The following TEC variants were observed in gnomAD, a reference collection of about 807,000 sequenced individuals.
TEC encodes the protein tyrosine-protein kinase Tec.
TEC carries 72 observed loss-of-function variants against 93.0 expected under a neutral mutation model. The observed-to-expected ratio is 0.77, with a 90% CI of 0.64 to 0.94. The LOEUF is 0.94. TEC is among the 40% of genes least tolerant of loss of function. The pLI, the probability that TEC is intolerant of heterozygous loss-of-function variation, is 0.00. For missense variants in TEC, 630 were observed against 757.9 expected (o/e 0.83, Z 1.98); for synonymous variants, 249 against 247.7 (o/e 1.01, Z -0.05).
chr4:48,211,846 C>T (rs559716424), intron 2 of TEC, among the ~76,000 whole-genome samples: 1 of 151,948 alleles, frequency 6.6e-6, no homozygotes, highest in African/African-American at 2.4e-5. Context: ...GCCTGTAATC[C>T]CAGCACTTTG....
intron 1 of TEC, among the ~76,000 whole-genome samples, chr4:48,257,549 C>G (rs539008348): frequency 2.6e-5 from 4 of 152,316 alleles, no homozygotes; most frequent in Non-Finnish European, 4.4e-5. Context: ...GTTACAGAAC[C>G]TCCCTGAACT....
intron 2 of TEC, among the ~76,000 whole-genome samples, chr4:48,177,993 A>G (rs996311250): frequency 2.6e-5 from 4 of 152,156 alleles, no homozygotes; most frequent in African/African-American, 7.2e-5. Context: ...TTTTCTTTAT[A>G]AATTGCCCAG....
At chr4:48,258,027 T>C (rs959692467) in intron 1 of TEC, among the ~76,000 whole-genome samples, 6 of 152,350 alleles carry the variant, frequency 3.9e-5, no homozygotes, top group African/African-American at 1.4e-4. Flanking sequence ...CCAAGTCATA[T>C]AGTGAATGTT....
chr4:48,138,779 A>G lies in TEC; in HGVS notation c.1698T>C (p.Phe566=). The G allele has an allele frequency of 6.2e-7, 1 of 1,613,992 alleles. No homozygotes were observed. Among genetic ancestry groups the G allele is most frequent in the Non-Finnish European group, 8.5e-7 (1 of 1,179,966 alleles). The change falls in exon 17 of 18, where the codon TTT becomes TTC. Residue 566 remains phenylalanine, a synonymous_variant. Coordinates refer to ENST00000381501, the MANE Select transcript of TEC (RefSeq NM_003215.3). ...WEVFTEGRMP[F]EKYTNYEVVT... The stretch of plus-strand genomic sequence containing the variant: ...CCACTTCATAATTGGTGTATTTTTC[A>G]AAAGGCATTCTGCCTTCCGTGAATA...
At chr4:48,263,641 G>A (rs11724334) in intron 1 of TEC, among the ~76,000 whole-genome samples, 29,752 of 151,972 alleles carry the variant, frequency 0.2, 3,368 homozygotes, top group East Asian at 0.42. Flanking sequence ...TTGAACCCAG[G>A]AGCTGAGATC....
intron 8 of TEC, among the ~76,000 whole-genome samples, chr4:48,158,175 A>G (rs1296855996): frequency 6.6e-6 from 1 of 152,204 alleles, no homozygotes; most frequent in Non-Finnish European, 1.5e-5. Context: ...ACAGGGAAAC[A>G]CAGGCCTTCC....
At chr4:48,228,192 G>A (rs182713011) in intron 2 of TEC, among the ~76,000 whole-genome samples, 7 of 152,114 alleles carry the variant, frequency 4.6e-5, no homozygotes, top group East Asian at 1.9e-4. Flanking sequence ...CATAATAAGC[G>A]GTTTACAGGA....
At chr4:48,169,695 C>A (rs10805164) in intron 5 of TEC, among the ~76,000 whole-genome samples, 1 of 152,082 alleles carries the variant, frequency 6.6e-6, no homozygotes, top group African/African-American at 2.4e-5. Context: ...ACAATCTCCA[C>A]GTATTTTTAG....
chr4:48,170,489 G>T, intron 4 of TEC, 113 bp from the exon 5 acceptor site: 1 of 752,794 alleles, frequency 1.3e-6, no homozygotes, highest in Non-Finnish European at 2.1e-6. Flanking sequence ...TTTACTATAA[G>T]AACGCCCTTA....
intron 2 of TEC, among the ~76,000 whole-genome samples, chr4:48,216,970 A>T (rs1024357675): frequency 2.0e-5 from 3 of 152,224 alleles, no homozygotes; most frequent in African/African-American, 4.8e-5. Context: ...CAAACCTTTG[A>T]TTAAACTCCT....
At chr4:48,169,792 A>G (rs933301871) in intron 5 of TEC, among the ~76,000 whole-genome samples, 1 of 152,220 alleles carries the variant, frequency 6.6e-6, no homozygotes, top group Non-Finnish European at 1.5e-5. Flanking sequence ...CTCAACATTT[A>G]CATGTGAGTA....
chr4:48,265,426 TACACACAC>T (rs1218496661), intron 1 of TEC, among the ~76,000 whole-genome samples: 6 of 123,288 alleles, frequency 4.9e-5, no homozygotes, highest in African/African-American at 1.7e-4. Flanking sequence ...CACATATATA[TACACACAC>T]ACATATATAC....
At chr4:48,232,299 A>C (rs530847402) in intron 1 of TEC, among the ~76,000 whole-genome samples, 1 of 131,516 alleles carries the variant, frequency 7.6e-6, no homozygotes, top group African/African-American at 3.4e-5. Flanking sequence ...AAAAAAACAA[A>C]AAAAACAAAA....
intron 2 of TEC, among the ~76,000 whole-genome samples, chr4:48,204,939 A>C (rs936347751): frequency 6.6e-6 from 1 of 152,082 alleles, no homozygotes; most frequent in African/African-American, 2.4e-5. Flanking sequence ...CTAGCAAATC[A>C]TCAAACCTGG....
intron 14 of TEC, among the ~76,000 whole-genome samples, chr4:48,141,990 A>G (rs764579611): frequency 3.6e-4 from 54 of 152,112 alleles, no homozygotes; most frequent in Non-Finnish European, 5.6e-4. Flanking sequence ...AGAAGGGTCA[A>G]CTCACTTTTC....
chr4:48,189,370 T>C (rs1025725999), intron 2 of TEC, among the ~76,000 whole-genome samples: 6 of 152,182 alleles, frequency 3.9e-5, no homozygotes, highest in Non-Finnish European at 4.4e-5. Flanking sequence ...CAGGGATATG[T>C]TCAGGTAAAA....
At chr4:48,160,851 G>GGAAGGAAGGAAGGAAGGAAGGAAGGA (rs1720619366) in intron 8 of TEC, among the ~76,000 whole-genome samples, 1 of 69,710 alleles carries the variant, frequency 1.4e-5, no homozygotes, top group Non-Finnish European at 3.1e-5. Flanking sequence ...GAGAGGGAGG[G>GGAAGGAAGGAAGGAAGGAAGGAAGGA]AGGAAGGGAG....
At chr4:48,152,058 T>C (rs1720192926) in intron 9 of TEC, among the ~76,000 whole-genome samples, 3 of 151,824 alleles carry the variant, frequency 2.0e-5, no homozygotes, top group Admixed American at 1.3e-4. Flanking sequence ...GGAAAAACAA[T>C]GGAATTAAAT....
intron 12 of TEC, among the ~76,000 whole-genome samples, chr4:48,145,848 T>C (rs893974876): frequency 3.3e-5 from 5 of 152,150 alleles, no homozygotes; most frequent in African/African-American, 4.8e-5. Context: ...AAGTTAAAGG[T>C]ACTTTTGTCA....
Sources: allele counts gnomAD v4.1 joint callset (sites outside exome capture counted in the v4.1 genomes callset), GRCh38; gene constraint gnomAD v4.1.1; transcripts MANE v1.5; gene names NCBI Gene and HGNC (gene_info 2026-07-23, HGNC 2026-07-21).